DSCAM: variants seen among roughly 807,000 people sequenced by gnomAD.
The protein encoded by DSCAM is cell adhesion molecule DSCAM.
In DSCAM, 47 loss-of-function variants were observed where a neutral mutation model predicts 217.7. The observed-to-expected ratio is 0.22, with a 90% CI of 0.17 to 0.28. DSCAM has a LOEUF of 0.28. Ranked by LOEUF, DSCAM falls within the 10% of genes least tolerant of loss-of-function variation. The pLI is 1.00. For synonymous variants in DSCAM, 1,056 were observed against 1,015.3 expected (o/e 1.04, Z -0.76); for missense variants, 2,080 against 2,618.3 (o/e 0.79, Z 4.49).
At position 40,353,581 on chromosome 21, in the gene DSCAM, T is replaced by C. The variant is rs1290027721; in HGVS notation, c.818A>G (p.Lys273Arg). The change falls in exon 5 of 33, where the codon AAG (lysine) becomes AGG (arginine). Residue 273 changes from lysine to arginine, a missense_variant. Lys to Arg is a conservative substitution (Grantham distance 26, BLOSUM62 2). Around this residue, in one of 5 missense-constraint regions of DSCAM, gnomAD observed 568 missense variants for 678.1 expected, o/e 0.84. Transcript: ENST00000400454. Reference protein sequence around the residue: ...MPLELSGRFQKTVTGLLIENI... With the variant: ...MPLELSGRFQRTVTGLLIENI... ...CTCAATGAGCAGCCCCGTCACGGTC[T>C]TCTGGAACCTCCCTGAAAGTTCCAG... The C allele has an allele frequency of 1.2e-6, 2 of 1,609,818 alleles. No individual in the cohort carries two copies. The highest frequency in any genetic ancestry group is 2.7e-5 in the African/African-American group (2 of 74,534).
intron 3 of DSCAM, among the ~76,000 whole-genome samples, chr21:40,551,948 G>A (rs543506541): frequency 2.6e-5 from 4 of 152,126 alleles, no homozygotes; most frequent in Non-Finnish European, 4.4e-5. Flanking sequence ...CAGCTGGGGG[G>A]CTTAGACTTG....
chr21:40,479,334 C>T (rs747679116), intron 3 of DSCAM, among the ~76,000 whole-genome samples: 10 of 152,324 alleles, frequency 6.6e-5, no homozygotes, highest in African/African-American at 1.4e-4. Context: ...TCATCATTAA[C>T]GGTGCAGGGG....
At chr21:40,533,584 A>T (rs879327458) in intron 3 of DSCAM, among the ~76,000 whole-genome samples, 24,182 of 106,814 alleles carry the variant, frequency 0.23, 3,790 homozygotes, top group African/African-American at 0.49. Flanking sequence ...CATCCATCCA[A>T]CCATCCATCC....
At chr21:40,276,498 A>G (rs1032850908) in intron 10 of DSCAM, among the ~76,000 whole-genome samples, 6 of 152,250 alleles carry the variant, frequency 3.9e-5, no homozygotes, top group Non-Finnish European at 8.8e-5. Flanking sequence ...ATAAAAACTA[A>G]CAGAACTTAC....
At chr21:40,424,318 G>C (rs2075451987) in intron 3 of DSCAM, among the ~76,000 whole-genome samples, 1 of 152,132 alleles carries the variant, frequency 6.6e-6, no homozygotes, top group Admixed American at 6.5e-5. Flanking sequence ...CCATTAGGAT[G>C]GGTGCCAGTT....
rs139532201 is a variant in DSCAM, at chr21:40,801,168, G to A, written c.43+45451C>T. On this transcript the variant is annotated intron_variant, in intron 1 of 32. Coordinates refer to ENST00000400454, the MANE Select transcript of DSCAM (RefSeq NM_001389.5). ...GGGTTTCACCATGTTGGCCAGGCTGGTCTCGAACTCCTGACCTTGTGATCC... is the reference window on the plus strand; with the variant it reads ...GGGTTTCACCATGTTGGCCAGGCTGATCTCGAACTCCTGACCTTGTGATCC... Among the ~76,000 whole-genome samples, 2,089 of 152,060 alleles carry A rather than the reference G, an allele frequency of 0.014. 95 individuals are homozygous for A. In the East Asian group the frequency reaches 0.18, roughly 13 times the overall value.
At chr21:40,581,149 C>T (rs926198783) in intron 3 of DSCAM, among the ~76,000 whole-genome samples, 1 of 152,168 alleles carries the variant, frequency 6.6e-6, no homozygotes, top group African/African-American at 2.4e-5. Context: ...CCTTTTAAAT[C>T]GTAAGAGAAT....
intron 29 of DSCAM, 22 bp from the exon 30 acceptor site, chr21:40,052,129 G>C (rs1568914544): frequency 1.9e-6 from 3 of 1,612,368 alleles, no homozygotes; most frequent in Non-Finnish European, 2.5e-6. Flanking sequence ...CAGGAACACA[G>C]AAAGCCAAAC....
chr21:40,686,305 G>A (rs1601849558), intron 3 of DSCAM, among the ~76,000 whole-genome samples: 1 of 137,370 alleles, frequency 7.3e-6, no homozygotes, highest in Non-Finnish European at 1.6e-5. Context: ...ACCATACACG[G>A]CACACACACA....
intron 3 of DSCAM, among the ~76,000 whole-genome samples, chr21:40,474,437 T>C (rs1442275412): frequency 2.6e-5 from 4 of 152,244 alleles, no homozygotes; most frequent in Non-Finnish European, 5.9e-5. Flanking sequence ...TTGTTTTTTC[T>C]TTCTTTCTTT....
At chr21:40,758,046 C>T (rs1358607797) in intron 1 of DSCAM, among the ~76,000 whole-genome samples, 2 of 152,126 alleles carry the variant, frequency 1.3e-5, no homozygotes, top group African/African-American at 4.8e-5. Flanking sequence ...AGAGGAAAAT[C>T]TGGACAAAGA....
intron 11 of DSCAM, among the ~76,000 whole-genome samples, chr21:40,198,739 A>G (rs1038909419): frequency 6.6e-6 from 1 of 152,236 alleles, no homozygotes; most frequent in African/African-American, 2.4e-5. Context: ...CTGAAAACCT[A>G]TTCTGGAGAG....
In DSCAM at chr21:40,037,550, A is replaced by G. The variant is rs1488063193; in HGVS notation, c.5686+4821T>C. On this transcript the variant is annotated intron_variant, in intron 32 of 32. Transcript: ENST00000400454. The stretch of plus-strand genomic sequence containing the variant: ...ACAAATGGAAGAACATTCTATGCTC[A>G]TGGGTAGGAAGAATTAATATCGTGA... 2.7e-5 allele frequency among the ~76,000 whole-genome samples: 4 copies of G among 148,554 alleles called. 1 individual carries two copies. Among genetic ancestry groups the G allele is most frequent in the Non-Finnish European group, 5.9e-5 (4 of 67,896 alleles).
At chr21:40,717,719 A>C (rs148379527) in intron 1 of DSCAM, among the ~76,000 whole-genome samples, 36 of 152,344 alleles carry the variant, frequency 2.4e-4, no homozygotes, top group African/African-American at 8.2e-4. Context: ...GCTAAAATTG[A>C]TTGTGGTGAA....
chr21:40,290,736 G>A (rs1569044503), intron 10 of DSCAM, among the ~76,000 whole-genome samples: 1 of 152,194 alleles, frequency 6.6e-6, no homozygotes, highest in Non-Finnish European at 1.5e-5. Flanking sequence ...TCCCTCCAAG[G>A]AGACAGTGTG....
chr21:40,815,167 C>T (rs118086919), intron 1 of DSCAM, among the ~76,000 whole-genome samples: 1 of 151,934 alleles, frequency 6.6e-6, no homozygotes, highest in Admixed American at 6.6e-5. Context: ...AGTTCCAGTT[C>T]CCAAAGAAAA....
intron 26 of DSCAM, 147 bp downstream of exon 26, chr21:40,078,540 C>G (rs1003972741): frequency 5.0e-5 from 51 of 1,022,162 alleles, no homozygotes; most frequent in African/African-American, 6.5e-5. Context: ...GAGCCCCAGA[C>G]AGAGTCCATT....
intron 8 of DSCAM, among the ~76,000 whole-genome samples, chr21:40,321,282 G>T (rs1253176624): frequency 6.6e-6 from 1 of 152,124 alleles, no homozygotes; most frequent in Non-Finnish European, 1.5e-5. Flanking sequence ...CAAGATTCAT[G>T]CCTGCTTGTT....
intron 3 of DSCAM, among the ~76,000 whole-genome samples, chr21:40,636,377 GGAGA>G (rs1045402288): frequency 2.6e-5 from 4 of 151,664 alleles, no homozygotes; most frequent in East Asian, 1.9e-4. Context: ...AGAGAGAGAG[GGAGA>G]GAGAGAGAAA....
Sources: allele counts gnomAD v4.1 joint callset (sites outside exome capture counted in the v4.1 genomes callset), GRCh38; gene constraint gnomAD v4.1.1; regional missense constraint gnomAD v4.1.1; transcripts MANE v1.5; gene names NCBI Gene and HGNC (gene_info 2026-07-23, HGNC 2026-07-21).